Variants in GPR158 observed in about 807,000 individuals in gnomAD.
GPR158 encodes the protein metabotropic glycine receptor.
A neutral mutation model predicts 78.2 loss-of-function variants in GPR158; 30 were observed. The observed-to-expected ratio is 0.38, with a 90% CI of 0.29 to 0.52. GPR158 has a LOEUF of 0.52. Ranked by LOEUF, GPR158 falls within the 20% of genes least tolerant of loss-of-function variation. The pLI is 0.83. For synonymous variants in GPR158, 581 were observed against 591.1 expected (o/e 0.98, Z 0.25); for missense variants, 1,463 against 1,523.5 (o/e 0.96, Z 0.66).
chr10:25,594,303 C>A lies in GPR158; in HGVS notation c.1904C>A (p.Ala635Asp), dbSNP rs201123792. The A allele has an allele frequency of 1.2e-5, 18 of 1,536,152 alleles. No individual in the cohort carries two copies. The highest frequency in any genetic ancestry group is 9.9e-6 in the Non-Finnish European group (11 of 1,110,284). Residue 635 changes from alanine (A) to aspartate (D), a missense_variant, in exon 9 of 11, where the codon GCC becomes GAC. Ala to Asp is a moderately radical substitution (Grantham distance 126, BLOSUM62 -2). Transcript: ENST00000376351. ...AATTCTCATTTCAGATTTGTTCTTG[C>A]CTCAAGACTTCAGTCTGATTGGATG... ...AIFHTIRFVL[A>D]SRLQSDWMLM...
Position 25,283,423 on chromosome 10 carries a change from G to A in GPR158, c.1008+62266G>A, listed in dbSNP as rs559974018. Among the ~76,000 whole-genome samples the A allele has an allele frequency of 2.0e-5, 3 of 152,058 alleles. No individual in the cohort carries two copies. In the South Asian group the frequency reaches 6.2e-4, roughly 32 times the overall value. ...AATTTATTAAACCATTTATGCTGAA[G>A]ATTGCAAATTCTTTTTTGTGAAAAA... is the stretch of plus-strand genomic sequence containing the variant. On this transcript the variant is annotated intron_variant, in intron 2 of 10. Transcript: ENST00000376351.
In GPR158 at chr10:25,423,139, A is replaced by T. The variant is rs1834776015; in HGVS notation, c.1335+10666A>T. On this transcript the variant is annotated intron_variant, in intron 4 of 10. Transcript: ENST00000376351. Reference sequence around the variant, plus strand: ...TATATACATATATATGTATATACATATACATATATATGTATATGTATATAT... The same window carrying T: ...TATATACATATATATGTATATACATTTACATATATATGTATATGTATATAT... Among the ~76,000 whole-genome samples the T allele has an allele frequency of 2.7e-5, 4 of 147,812 alleles. No homozygotes were observed. The South Asian group carries it at 8.3e-4, about 31-fold the overall frequency.
intron 5 of GPR158, among the ~76,000 whole-genome samples, chr10:25,523,850 G>GA (rs959548062): frequency 6.6e-6 from 1 of 150,496 alleles, no homozygotes; most frequent in African/African-American, 2.4e-5. Flanking sequence ...TGAAGAAGAA[G>GA]AAAAAAAAGG....
intron 5 of GPR158, among the ~76,000 whole-genome samples, chr10:25,467,666 C>T (rs1217462728): frequency 1.3e-5 from 2 of 152,018 alleles, no homozygotes; most frequent in Admixed American, 6.6e-5. Context: ...AGATAAAAAT[C>T]GGAGCTTGGT....
At chr10:25,433,564 TG>T (rs1834946760) in intron 4 of GPR158, among the ~76,000 whole-genome samples, 2 of 143,976 alleles carry the variant, frequency 1.4e-5, no homozygotes, top group African/African-American at 5.1e-5. Context: ...TGTGTGTGTG[TG>T]TGTGTGCGCG....
At chr10:25,407,174 G>A (rs1834526044) in intron 3 of GPR158, among the ~76,000 whole-genome samples, 1 of 152,132 alleles carries the variant, frequency 6.6e-6, no homozygotes, top group Non-Finnish European at 1.5e-5. Flanking sequence ...GGACCAAGAT[G>A]AAAATACCAG....
intron 2 of GPR158, among the ~76,000 whole-genome samples, chr10:25,222,937 G>A (rs1231946390): frequency 6.6e-6 from 1 of 152,054 alleles, no homozygotes; most frequent in Non-Finnish European, 1.5e-5. Context: ...TCCTTACAGC[G>A]CATCTGTTTA....
rs866575413 is a variant in GPR158 at position 25,429,854 on chromosome 10, C to T, written c.1335+17381C>T. Among the ~76,000 whole-genome samples, 213 of 140,636 alleles carry T rather than the reference C, an allele frequency of 1.5e-3. 1 individual carries two copies. Among genetic ancestry groups the T allele is most frequent in the African/African-American group, 5.2e-3 (189 of 36,392 alleles). 92.3% of individuals were successfully genotyped at this position (140,636 alleles called of 152,430 possible). On this transcript the variant is annotated intron_variant, in intron 4 of 10. Transcript: ENST00000376351. ...CTCAATAAATTAGGTATTGATGGGA[C>T]GTATCTCAAAATAATAAGAGCTATC...
chr10:25,397,764 C>G (rs1834381997), intron 3 of GPR158, among the ~76,000 whole-genome samples: 2 of 152,298 alleles, frequency 1.3e-5, no homozygotes, highest in Non-Finnish European at 2.9e-5. Context: ...CTTCCACATC[C>G]TCTTAAGTGT....
intron 2 of GPR158, among the ~76,000 whole-genome samples, chr10:25,362,733 TA>T (rs1855659116): frequency 6.6e-6 from 1 of 151,916 alleles, no homozygotes; most frequent in African/African-American, 2.4e-5. Flanking sequence ...TCTTAACTTT[TA>T]AAATGCTCAG....
chr10:25,539,036 T>C (rs905540495), intron 5 of GPR158, among the ~76,000 whole-genome samples: 59 of 152,326 alleles, frequency 3.9e-4, no homozygotes, highest in African/African-American at 1.4e-3. Context: ...TTCCATTGTG[T>C]GCCCTCCCAG....
intron 4 of GPR158, among the ~76,000 whole-genome samples, chr10:25,429,429 G>C (rs188065341): frequency 6.6e-6 from 1 of 152,022 alleles, no homozygotes; most frequent in Non-Finnish European, 1.5e-5. Context: ...TCCAAATGAA[G>C]CTTAGTCCCA....
chr10:25,456,771 T>TA (rs905344943), intron 4 of GPR158, among the ~76,000 whole-genome samples: 2 of 149,770 alleles, frequency 1.3e-5, no homozygotes, highest in Non-Finnish European at 2.9e-5. Context: ...TTTATGTTTT[T>TA]AAAAAAATGA....
At chr10:25,363,776 C>T (rs1346146953) in intron 2 of GPR158, among the ~76,000 whole-genome samples, 1 of 151,276 alleles carries the variant, frequency 6.6e-6, no homozygotes, top group Non-Finnish European at 1.5e-5. Context: ...CTTAGGTTCC[C>T]CCTGTGGTTG....
chr10:25,292,371 TCCTTTTCTCTTAAAAATAA>T (rs1432623163), intron 2 of GPR158, among the ~76,000 whole-genome samples: 1 of 152,174 alleles, frequency 6.6e-6, no homozygotes, highest in African/African-American at 2.4e-5. Context: ...AGCTGGTTGC[TCCTTTTCTCTTAAAAATAA>T]CCTTTCAGGG....
chr10:25,242,695 TGTATG>T lies in GPR158; in HGVS notation c.1008+21540_1008+21544del, dbSNP rs1160851392. ...TTATTTAAGATTAATATCAGAATAA[TGTATG>T]GAATGAAAATTATTTATTTTAGCTC... On this transcript the variant is annotated intron_variant, in intron 2 of 10. Coordinates refer to ENST00000376351, the MANE Select transcript of GPR158 (RefSeq NM_020752.3). Among the ~76,000 whole-genome samples, 3 of 152,226 alleles carry T rather than the reference TGTATG, an allele frequency of 2.0e-5. No homozygotes were observed. The East Asian group carries it at 5.8e-4, about 29-fold the overall frequency.
intron 2 of GPR158, among the ~76,000 whole-genome samples, chr10:25,312,744 T>A (rs1854783654): frequency 6.6e-6 from 1 of 152,170 alleles, no homozygotes; most frequent in African/African-American, 2.4e-5. Flanking sequence ...AGCCTTAGAT[T>A]TAGTAATATT....
intron 2 of GPR158, among the ~76,000 whole-genome samples, chr10:25,376,872 G>A (rs1043089179): frequency 3.3e-5 from 5 of 151,086 alleles, no homozygotes; most frequent in South Asian, 2.1e-4. Flanking sequence ...TTTTTATGTT[G>A]CTCCTTTGAT....
chr10:25,545,279 C>T (rs1836647973), intron 5 of GPR158, among the ~76,000 whole-genome samples: 1 of 152,186 alleles, frequency 6.6e-6, no homozygotes, highest in African/African-American at 2.4e-5. Context: ...GAGGAATCGC[C>T]ACACTGTCTT....
Sources: gnomAD v4.1 joint callset for allele counts (sites outside exome capture counted in the v4.1 genomes callset) on GRCh38, gnomAD v4.1.1 for gene constraint, MANE v1.5 for transcripts, NCBI Gene and HGNC (gene_info 2026-07-23, HGNC 2026-07-21) for gene names.